COMMD7: variants seen among roughly 807,000 people sequenced by gnomAD.
COMMD7 encodes the protein COMM domain containing 7, also known as COMM domain-containing protein 7.
Under a neutral mutation model 34.8 loss-of-function variants are expected in COMMD7, and 28 were observed. The observed-to-expected ratio is 0.80, with a 90% CI of 0.60 to 1.10. COMMD7 has a LOEUF of 1.10. Among genes scored for constraint, COMMD7 ranks in the 50% least tolerant of loss-of-function variants. COMMD7 has a pLI of 0.00. For missense variants in COMMD7, 211 were observed against 241.6 expected, an observed-to-expected ratio of 0.87 and a Z score of 0.84; for synonymous variants, 80 against 86.4, an observed-to-expected ratio of 0.93 and a Z score of 0.41.
In COMMD7 at chr20:32,706,685, A is replaced by G; in HGVS notation, c.298+19T>C. 6.2e-7 allele frequency: 1 copy of G among 1,613,766 alleles called. No homozygotes were observed. Among genetic ancestry groups the G allele is most frequent in the Non-Finnish European group, 8.5e-7 (1 of 1,179,774 alleles). On this transcript the variant is annotated intron_variant, in intron 4 of 8. Transcript: ENST00000278980. ...CCTCAGAAGCCAGTCACCCTGAGCA[A>G]CCCTGGCCAATGACCTACCCAGAGT...
intron 3 of COMMD7, among the ~76,000 whole-genome samples, chr20:32,721,521 G>A (rs947786194): frequency 7.9e-5 from 12 of 152,010 alleles, no homozygotes; most frequent in Admixed American, 3.3e-4. Context: ...GAGGTGGGCG[G>A]ATCACTTGGG....
At chr20:32,713,384 G>C (rs1436292420) in intron 3 of COMMD7, among the ~76,000 whole-genome samples, 1 of 152,226 alleles carries the variant, frequency 6.6e-6, no homozygotes, top group Non-Finnish European at 1.5e-5. Context: ...TGCTGCCTTA[G>C]CCAAACCCTC....
intron 1 of COMMD7, among the ~76,000 whole-genome samples, chr20:32,729,991 C>T (rs531457970): frequency 6.6e-6 from 1 of 151,740 alleles, no homozygotes; most frequent in Non-Finnish European, 1.5e-5. Context: ...CCAGCCTGGA[C>T]GACAGATTGA....
chr20:32,715,192 A>T (rs1008356530), intron 3 of COMMD7, among the ~76,000 whole-genome samples: 97 of 145,950 alleles, frequency 6.6e-4, no homozygotes, highest in African/African-American at 1.5e-3. Context: ...ATAATAATAA[A>T]AAAACAGGCA....
intron 1 of COMMD7, 38 bp downstream of exon 1, chr20:32,743,270 C>A: frequency 1.9e-6 from 2 of 1,065,606 alleles, no homozygotes; most frequent in Non-Finnish European, 2.7e-6. Flanking sequence ...CCTGGAATCA[C>A]CTGGGCCCCG....
At chr20:32,741,386 T>C (rs959944131) in intron 1 of COMMD7, among the ~76,000 whole-genome samples, 23 of 115,126 alleles carry the variant, frequency 2.0e-4, no homozygotes, top group Admixed American at 6.2e-4. Context: ...CGTACCCAAC[T>C]AGAAAGTTGT....
chr20:32,711,346 G>A (rs909491679), intron 3 of COMMD7, among the ~76,000 whole-genome samples: 6 of 144,756 alleles, frequency 4.1e-5, no homozygotes, highest in Non-Finnish European at 7.5e-5. Context: ...GCAGTGAGCC[G>A]AGATCACACC....
intron 3 of COMMD7, among the ~76,000 whole-genome samples, chr20:32,726,075 A>T (rs1182382498): frequency 6.6e-6 from 1 of 151,382 alleles, no homozygotes; most frequent in Non-Finnish European, 1.5e-5. Context: ...AAAAAAAAAA[A>T]AAAAAAAAAA....
At chr20:32,720,830 T>A (rs1004042524) in intron 3 of COMMD7, among the ~76,000 whole-genome samples, 9 of 152,042 alleles carry the variant, frequency 5.9e-5, no homozygotes, top group African/African-American at 2.2e-4. Context: ...AGACTCAACA[T>A]CCCCTGGGAG....
chr20:32,727,995 C>T lies in COMMD7; in HGVS notation c.139G>A (p.Val47Met). The T allele has an allele frequency of 6.2e-7, 1 of 1,613,970 alleles. No homozygotes were observed. ...LFHFLTEPKEVERFLAQLSEF... is the reference protein window; with the variant it reads ...LFHFLTEPKEMERFLAQLSEF... ...GAGAGCTGAGCCAGAAATCTTTCCA[C>T]CTGCAGAGAGAGAACAGTGAAAACC... The change falls in exon 3 of 9, where the codon GTG becomes ATG. Residue 47 changes from valine (V) to methionine (M), a missense_variant and splice_region_variant. Transcript: ENST00000278980.
intron 1 of COMMD7, among the ~76,000 whole-genome samples, chr20:32,733,881 CA>C (rs1019919449): frequency 9.9e-4 from 124 of 125,204 alleles, no homozygotes; most frequent in Admixed American, 1.1e-3. Context: ...AACTCCTTCT[CA>C]AAAAAAAAAA....
chr20:32,743,231 C>CCGGCGG, intron 1 of COMMD7, 77 bp downstream of exon 1: 1 of 871,804 alleles, frequency 1.1e-6, no homozygotes, highest in Non-Finnish European at 1.7e-6. Flanking sequence ...CGCGCACCCC[C>CCGGCGG]GGACGTCCCC....
intron 3 of COMMD7, among the ~76,000 whole-genome samples, chr20:32,721,520 G>A (rs917554511): frequency 6.6e-6 from 1 of 151,708 alleles, no homozygotes; most frequent in Admixed American, 6.6e-5. Flanking sequence ...TGAGGTGGGC[G>A]GATCACTTGG....
intron 3 of COMMD7, among the ~76,000 whole-genome samples, chr20:32,712,954 G>T (rs1600973717): frequency 1.3e-5 from 2 of 151,276 alleles, no homozygotes; most frequent in African/African-American, 2.4e-5. Flanking sequence ...GGATGGTCTC[G>T]ATCTCCTGAC....
At chr20:32,732,495 A>G (rs988158457) in intron 1 of COMMD7, among the ~76,000 whole-genome samples, 1 of 152,194 alleles carries the variant, frequency 6.6e-6, no homozygotes, top group Non-Finnish European at 1.5e-5. Flanking sequence ...GGCAAGTCAC[A>G]GTGGCTCATG....
At chr20:32,710,267 A>G (rs1373516495) in intron 3 of COMMD7, among the ~76,000 whole-genome samples, 1 of 152,056 alleles carries the variant, frequency 6.6e-6, no homozygotes, top group African/African-American at 2.4e-5. Flanking sequence ...ACTTTATGTT[A>G]TATATTTATT....
At position 32,712,964 on chromosome 20, in the gene COMMD7, C is replaced by A. The variant is rs1392439949; in HGVS notation, c.242-6204G>T. ...GACCAGGATGGTCTCGATCTCCTGA[C>A]CTCGTGATCCGCCTGCCTTGGCTTC... On this transcript the variant is annotated intron_variant, in intron 3 of 8. Transcript: ENST00000278980. Among the ~76,000 whole-genome samples, 3 of 151,910 alleles carry A rather than the reference C, an allele frequency of 2.0e-5. No homozygotes were observed. The East Asian group carries it at 5.8e-4, about 29-fold the overall frequency.
intron 1 of COMMD7, among the ~76,000 whole-genome samples, chr20:32,738,831 A>G (rs966377388): frequency 6.6e-6 from 1 of 151,994 alleles, no homozygotes; most frequent in African/African-American, 2.4e-5. Context: ...TTCTGACTCA[A>G]GTGATCCTCC....
At chr20:32,730,449 G>T (rs1053148770) in intron 1 of COMMD7, among the ~76,000 whole-genome samples, 2 of 152,114 alleles carry the variant, frequency 1.3e-5, no homozygotes, top group Non-Finnish European at 2.9e-5. Context: ...TAGCTACTCA[G>T]GAGGCTGAGG....
Sources: gnomAD v4.1 joint callset for allele counts (sites outside exome capture counted in the v4.1 genomes callset) on GRCh38, gnomAD v4.1.1 for gene constraint, MANE v1.5 for transcripts, NCBI Gene and HGNC (gene_info 2026-07-23, HGNC 2026-07-21) for gene names.